The following RIMS4 variants were observed in gnomAD, a reference collection of about 807,000 sequenced individuals.
The protein encoded by RIMS4 is regulating synaptic membrane exocytosis protein 4.
In RIMS4, 9 loss-of-function variants were observed where a neutral mutation model predicts 29.0. The observed-to-expected ratio is 0.31, with a 90% CI of 0.19 to 0.54. The LOEUF is 0.54. RIMS4 is among the 20% of genes least tolerant of loss of function. The pLI, the probability that RIMS4 is intolerant of heterozygous loss-of-function variation, is 0.94. For missense variants in RIMS4, 193 were observed against 365.7 expected (o/e 0.53, Z 3.85); for synonymous variants, 130 against 152.9 (o/e 0.85, Z 1.10).
chr20:44,777,138 G>C (rs1414445224), intron 1 of RIMS4, among the ~76,000 whole-genome samples: 1 of 152,130 alleles, frequency 6.6e-6, no homozygotes, highest in African/African-American at 2.4e-5. Flanking sequence ...CCACCTAGTC[G>C]ATGTCAGTGT....
chr20:44,788,543 C>T (rs2066218811), intron 1 of RIMS4, among the ~76,000 whole-genome samples: 1 of 151,946 alleles, frequency 6.6e-6, no homozygotes, highest in African/African-American at 2.4e-5. Context: ...AAGGCCAAAG[C>T]AGGAGGGTCA....
chr20:44,801,179 G>A (rs1167678564), intron 1 of RIMS4, among the ~76,000 whole-genome samples: 1 of 152,126 alleles, frequency 6.6e-6, no homozygotes, highest in Non-Finnish European at 1.5e-5. Flanking sequence ...TCCCAAGTCC[G>A]CTCATTTTTA....
In RIMS4 at chr20:44,782,162, G is replaced by A. The variant is rs147085595; in HGVS notation, c.98-10749C>T. ...AATGATAGAATCCACTCCACCTATT[G>A]TTGTAAGGATTAAATGTACTAGTAA... On this transcript the variant is annotated intron_variant, in intron 1 of 5. Transcript: ENST00000372851. Among the ~76,000 whole-genome samples the A allele has an allele frequency of 2.6e-3, 395 of 152,334 alleles. 1 individual carries two copies. Among genetic ancestry groups the A allele is most frequent in the African/African-American group, 9.0e-3 (374 of 41,574 alleles).
At chr20:44,770,475 G>T (rs1269497051) in intron 2 of RIMS4, among the ~76,000 whole-genome samples, 2 of 152,128 alleles carry the variant, frequency 1.3e-5, no homozygotes, top group Non-Finnish European at 2.9e-5. Context: ...TGTGTATTGG[G>T]GGAAACTGGG....
At chr20:44,791,881 C>G (rs1181836552) in intron 1 of RIMS4, among the ~76,000 whole-genome samples, 3 of 152,200 alleles carry the variant, frequency 2.0e-5, no homozygotes, top group East Asian at 1.9e-4. Flanking sequence ...CCACCCACCC[C>G]CTTTCCTAGC....
In RIMS4 at chr20:44,756,623, C is replaced by T. The variant is rs963104902; in HGVS notation, c.592-271G>A. On this transcript the variant is annotated intron_variant, in intron 5 of 5. Transcript: ENST00000372851. The surrounding 1 kb of genome is among the most constrained non-coding windows in gnomAD (Gnocchi z 5.9). ...CTGCAAATACTTTTCCTGCACACAG[C>T]ACACATTCCACTGGCACCAGAATGT... Among the ~76,000 whole-genome samples, 2 of 152,174 alleles carry T rather than the reference C, an allele frequency of 1.3e-5. No individual in the cohort carries two copies. The highest frequency in any genetic ancestry group is 4.8e-5 in the African/African-American group (2 of 41,436).
At chr20:44,785,750 CTT>C (rs969567189) in intron 1 of RIMS4, among the ~76,000 whole-genome samples, 59 of 122,856 alleles carry the variant, frequency 4.8e-4, no homozygotes, top group African/African-American at 4.8e-4. Flanking sequence ...CATAGGTTTT[CTT>C]TTTTTTTTTT....
intron 1 of RIMS4, among the ~76,000 whole-genome samples, chr20:44,773,974 C>T (rs1218913578): frequency 6.6e-6 from 1 of 152,144 alleles, no homozygotes; most frequent in African/African-American, 2.4e-5. Flanking sequence ...TCCAATGCCC[C>T]CACACCTGCC....
At chr20:44,764,247 C>CATTT (rs2066103833) in intron 2 of RIMS4, among the ~76,000 whole-genome samples, 1 of 152,282 alleles carries the variant, frequency 6.6e-6, no homozygotes, top group African/African-American at 2.4e-5. Flanking sequence ...TTCATCCATC[C>CATTT]ATCCATCCTC....
chr20:44,761,382 C>T (rs2066084333), intron 2 of RIMS4, among the ~76,000 whole-genome samples: 1 of 152,296 alleles, frequency 6.6e-6, no homozygotes, highest in Middle Eastern at 3.4e-3. Flanking sequence ...TCACACCTGC[C>T]ACTAGGTCTG....
At chr20:44,759,372 C>T (rs1321926109) in intron 2 of RIMS4, among the ~76,000 whole-genome samples, 2 of 152,172 alleles carry the variant, frequency 1.3e-5, no homozygotes, top group Non-Finnish European at 2.9e-5. Context: ...ATTCTCATGC[C>T]TCAGCCTCCC....
intron 2 of RIMS4, among the ~76,000 whole-genome samples, chr20:44,766,166 C>G (rs966803680): frequency 3.3e-5 from 5 of 152,148 alleles, no homozygotes; most frequent in African/African-American, 1.2e-4. Flanking sequence ...TCTGCCCACG[C>G]CCAGGACAGA....
At chr20:44,797,102 T>G (rs2066258333) in intron 1 of RIMS4, among the ~76,000 whole-genome samples, 1 of 152,238 alleles carries the variant, frequency 6.6e-6, no homozygotes, top group Non-Finnish European at 1.5e-5. Flanking sequence ...AACCAATTAC[T>G]GATGGGAACT....
At chr20:44,800,929 C>T (rs928057628) in intron 1 of RIMS4, among the ~76,000 whole-genome samples, 2 of 152,222 alleles carry the variant, frequency 1.3e-5, no homozygotes, top group Admixed American at 1.3e-4. Context: ...CCCCATCCCA[C>T]CCTTCCTCCA....
chr20:44,781,737 TC>T (rs1239135528), intron 1 of RIMS4, among the ~76,000 whole-genome samples: 2 of 152,122 alleles, frequency 1.3e-5, no homozygotes, highest in Non-Finnish European at 2.9e-5. Flanking sequence ...CAATTCACAG[TC>T]CCACAAAAAG....
In RIMS4 at chr20:44,758,173, C is replaced by G; in HGVS notation, c.248G>C (p.Gly83Ala). 2.5e-6 allele frequency: 4 copies of G among 1,611,888 alleles called. No individual in the cohort carries two copies. The highest frequency in any genetic ancestry group is 1.7e-4 in the Middle Eastern group (1 of 6,050). The change falls in exon 3 of 6, where the codon GGA (glycine) becomes GCA (alanine). Residue 83 changes from glycine to alanine, a missense_variant. By Grantham distance (60) the Gly-to-Ala change is moderately conservative. Coordinates refer to ENST00000372851, the MANE Select transcript of RIMS4 (RefSeq NM_182970.4). Reference sequence around the variant, plus strand: ...GGCGTCCGACGCCAGGCAAACTCCTCCATAGTTAAGGCTGCAAGAGGAAAA... The same window carrying G: ...GGCGTCCGACGCCAGGCAAACTCCTGCATAGTTAAGGCTGCAAGAGGAAAA... ...SYGSEGNLNYGGVCLASDAQF... is the reference protein window; with the variant it reads ...SYGSEGNLNYAGVCLASDAQF...
In RIMS4 at chr20:44,770,912, A is replaced by G. The variant is rs1477641321; in HGVS notation, c.236+363T>C. On this transcript the variant is annotated intron_variant, in intron 2 of 5. Coordinates refer to ENST00000372851, the MANE Select transcript of RIMS4 (RefSeq NM_182970.4). ...TGCCAAACACTGCTTTATGCTGTGT[A>G]TAAATATCACCCCTGCATTATATGG... 3.9e-5 allele frequency among the ~76,000 whole-genome samples: 6 copies of G among 152,212 alleles called. No homozygotes were observed. The East Asian group carries it at 9.6e-4, about 24-fold the overall frequency.
intron 1 of RIMS4, among the ~76,000 whole-genome samples, chr20:44,785,897 A>G (rs1373457026): frequency 4.0e-5 from 6 of 151,780 alleles, no homozygotes; most frequent in Non-Finnish European, 8.8e-5. Context: ...GGGGGCCTTG[A>G]TTGATTGGTG....
intron 1 of RIMS4, among the ~76,000 whole-genome samples, chr20:44,799,690 T>C (rs376969124): frequency 1.3e-5 from 2 of 152,168 alleles, no homozygotes; most frequent in African/African-American, 2.4e-5. Flanking sequence ...GGCAGCAAAC[T>C]TGAGGCCTCA....
Sources: allele counts gnomAD v4.1 joint callset (sites outside exome capture counted in the v4.1 genomes callset), GRCh38; gene constraint gnomAD v4.1.1; non-coding constraint Gnocchi (gnomAD v3.1); transcripts MANE v1.5; gene names NCBI Gene and HGNC (gene_info 2026-07-23, HGNC 2026-07-21).